TRPM6: variants seen among roughly 807,000 people sequenced by gnomAD.
TRPM6 encodes channel kinase 2.
TRPM6 carries 111 observed loss-of-function variants against 247.6 expected under a neutral mutation model. That is an observed-to-expected ratio of 0.45 (90% CI 0.38 to 0.52). The LOEUF (loss-of-function observed/expected upper bound fraction) is 0.52, where lower values mean the gene tolerates loss of function less well. Ranked by LOEUF, TRPM6 falls within the 20% of genes least tolerant of loss-of-function variation. The probability of loss-of-function intolerance (pLI) is 0.00; values close to 1 mark genes in which losing one functional copy is unlikely to be tolerated. For synonymous variants in TRPM6, 892 were observed against 853.8 expected, an observed-to-expected ratio of 1.04 and a Z score of -0.78; for missense variants, 2,126 against 2,421.5, an observed-to-expected ratio of 0.88 and a Z score of 2.56.
intron 1 of TRPM6, among the ~76,000 whole-genome samples, chr9:74,886,567 C>G (rs1442674493): frequency 6.7e-6 from 1 of 149,568 alleles, no homozygotes; most frequent in East Asian, 2.0e-4. Flanking sequence ...GACCTGAGTT[C>G]AAATCTCAAA....
chr9:74,833,865 G>A lies in TRPM6; in HGVS notation c.669+133C>T, dbSNP rs35173886. 8,860 of 1,217,200 alleles carry A rather than the reference G, an allele frequency of 7.3e-3. 40 individuals are homozygous for A. The highest frequency in any genetic ancestry group is 9.0e-3 in the Non-Finnish European group (7,700 of 852,300). The allele number at this position is 1,217,200 out of a possible 1,614,324, so 75.4% of individuals were successfully genotyped here. A position where few individuals can be genotyped will look rare whatever the true frequency, so the allele number is the denominator to read the frequency against. ...CTTCTAAGACAGGGTGAGGGAAGCAGCAGAAAGTCAGGAGTTGGTAGTGAA... is the reference window on the plus strand; with the variant it reads ...CTTCTAAGACAGGGTGAGGGAAGCAACAGAAAGTCAGGAGTTGGTAGTGAA... On this transcript the variant is annotated intron_variant, in intron 6 of 38. Transcript: ENST00000360774.
chr9:74,732,872 C>T (rs1825569449), intron 36 of TRPM6, 136 bp from the exon 37 acceptor site: 2 of 730,950 alleles, frequency 2.7e-6, no homozygotes, highest in East Asian at 5.6e-5. Context: ...ATCATGAGCC[C>T]ATACTTCACC....
chr9:74,825,924 G>T (rs1048699568), intron 7 of TRPM6, among the ~76,000 whole-genome samples: 3 of 151,680 alleles, frequency 2.0e-5, no homozygotes, highest in African/African-American at 7.3e-5. Context: ...CCTTCTCCCA[G>T]CCATTCCTAC....
chr9:74,812,263 T>C, intron 12 of TRPM6, 36 bp downstream of exon 12: 1 of 1,612,418 alleles, frequency 6.2e-7, no homozygotes. Flanking sequence ...TTCTTGAATC[T>C]GGAGGGAAAT....
chr9:74,735,306 C>A (rs1327530349), intron 36 of TRPM6, among the ~76,000 whole-genome samples: 2 of 151,952 alleles, frequency 1.3e-5, no homozygotes, highest in Non-Finnish European at 2.9e-5. Flanking sequence ...AAAAGAGCAG[C>A]CCCAAGTACC....
intron 27 of TRPM6, among the ~76,000 whole-genome samples, chr9:74,759,804 A>G (rs772829496): frequency 6.6e-6 from 1 of 152,198 alleles, no homozygotes; most frequent in Admixed American, 6.5e-5. Context: ...GTTTCAAAGG[A>G]CGTTTACGAA....
intron 18 of TRPM6, among the ~76,000 whole-genome samples, chr9:74,793,647 C>G (rs746450388): frequency 6.6e-6 from 1 of 152,200 alleles, no homozygotes; most frequent in Non-Finnish European, 1.5e-5. Context: ...CATGGCCATT[C>G]CTTGTCATAG....
intron 14 of TRPM6, chr9:74,804,652 C>T: frequency 2.7e-6 from 2 of 750,324 alleles, no homozygotes; most frequent in Admixed American, 3.5e-5. Context: ...AAGGTGTCCT[C>T]TGTGACTATT....
At chr9:74,817,220 A>G (rs1022999195) in intron 9 of TRPM6, among the ~76,000 whole-genome samples, 1 of 152,242 alleles carries the variant, frequency 6.6e-6, no homozygotes, top group Non-Finnish European at 1.5e-5. Context: ...TGAATTTACT[A>G]TGTACATGCT....
chr9:74,879,484 G>A (rs1831294218), intron 1 of TRPM6, among the ~76,000 whole-genome samples: 1 of 151,996 alleles, frequency 6.6e-6, no homozygotes, highest in Non-Finnish European at 1.5e-5. Context: ...TAGGCCTCAG[G>A]GGAAGTTCTG....
chr9:74,734,107 C>T (rs1825615795), intron 36 of TRPM6, among the ~76,000 whole-genome samples: 1 of 151,966 alleles, frequency 6.6e-6, no homozygotes, highest in Non-Finnish European at 1.5e-5. Context: ...GGAATCAGCA[C>T]CTAAAGTGAA....
At position 74,830,494 on chromosome 9, in the gene TRPM6, C is replaced by T. The variant is rs571896393; in HGVS notation, c.670-2545G>A. On this transcript the variant is annotated intron_variant, in intron 6 of 38. Transcript: ENST00000360774. ...CACTGCAACCTCTGCCTCCCGGGCT[C>T]GAGCGATCCTCCCACCTCAGCCTCC... 4.2e-4 allele frequency among the ~76,000 whole-genome samples: 64 copies of T among 152,118 alleles called. 1 individual carries two copies. The highest frequency in any genetic ancestry group is 1.5e-3 in the African/African-American group (61 of 41,490).
Position 74,860,230 on chromosome 9 carries a change from G to A in TRPM6, c.34-1482C>T, listed in dbSNP as rs575180773. 2.0e-5 allele frequency among the ~76,000 whole-genome samples: 3 copies of A among 152,262 alleles called. No individual in the cohort carries two copies. The South Asian group carries it at 6.2e-4, about 32-fold the overall frequency. On this transcript the variant is annotated intron_variant, in intron 1 of 38. Transcript: ENST00000360774. The stretch of plus-strand genomic sequence containing the variant: ...ATCATTTTACTCTCTTATTCTTTTT[G>A]CATGCTCAGCAGCATTTTCTATGTA...
At chr9:74,745,586 C>T (rs956283256) in intron 31 of TRPM6, among the ~76,000 whole-genome samples, 6 of 151,998 alleles carry the variant, frequency 3.9e-5, no homozygotes, top group African/African-American at 1.5e-4. Context: ...AATTTGAGCA[C>T]AGAGTTGAAG....
chr9:74,754,576 T>C (rs1329477457), intron 28 of TRPM6, among the ~76,000 whole-genome samples: 1 of 152,158 alleles, frequency 6.6e-6, no homozygotes, highest in African/African-American at 2.4e-5. Flanking sequence ...TTGAGAACCA[T>C]TTACCATATG....
intron 1 of TRPM6, among the ~76,000 whole-genome samples, chr9:74,876,071 G>T (rs189891496): frequency 2.0e-5 from 3 of 152,026 alleles, no homozygotes; most frequent in African/African-American, 7.2e-5. Flanking sequence ...TTAACTGCAG[G>T]GTAACAATTT....
chr9:74,785,626 T>C (rs951918355), intron 21 of TRPM6, among the ~76,000 whole-genome samples: 3 of 152,094 alleles, frequency 2.0e-5, no homozygotes, highest in Non-Finnish European at 4.4e-5. Flanking sequence ...GGGTTCGTGC[T>C]ATTCTCCCGC....
chr9:74,832,791 C>A (rs1233891151), intron 6 of TRPM6, among the ~76,000 whole-genome samples: 7 of 152,200 alleles, frequency 4.6e-5, no homozygotes, highest in African/African-American at 1.7e-4. Flanking sequence ...TGGCTCACGC[C>A]TGTAATCCCA....
rs142887784 is a variant in TRPM6, at chr9:74,856,368, A to C, written c.114-803T>G. On this transcript the variant is annotated intron_variant, in intron 2 of 38. Coordinates refer to ENST00000360774, the MANE Select transcript of TRPM6 (RefSeq NM_017662.5). ...GATGGGAGGGTTGTTTGAGTCCAGGAGGTCGAGGCTTCAGTAAGCCAAGAT... is the reference window on the plus strand; with the variant it reads ...GATGGGAGGGTTGTTTGAGTCCAGGCGGTCGAGGCTTCAGTAAGCCAAGAT... Among the ~76,000 whole-genome samples, 38 of 152,120 alleles carry C rather than the reference A, an allele frequency of 2.5e-4. No individual in the cohort carries two copies. The East Asian group carries it at 7.3e-3, about 29-fold the overall frequency.
Sources: gnomAD v4.1 joint callset for allele counts (sites outside exome capture counted in the v4.1 genomes callset) on GRCh38, gnomAD v4.1.1 for gene constraint, MANE v1.5 for transcripts, NCBI Gene and HGNC (gene_info 2026-07-23, HGNC 2026-07-21) for gene names.